C1QTNF7: variants seen among roughly 807,000 people sequenced by gnomAD.
The protein encoded by C1QTNF7 is complement C1q tumor necrosis factor-related protein 7.
A neutral mutation model predicts 19.6 loss-of-function variants in C1QTNF7; 15 were observed. The ratio of observed to expected loss-of-function variants is 0.76; its 90% CI spans 0.51 to 1.18. The LOEUF (loss-of-function observed/expected upper bound fraction) is 1.18, where lower values mean the gene tolerates loss of function less well. C1QTNF7 is among the 50% of genes most tolerant of loss of function. The pLI, the probability that C1QTNF7 is intolerant of heterozygous loss-of-function variation, is 0.00. For missense variants in C1QTNF7, 324 were observed against 359.7 expected (o/e 0.90, Z 0.80); for synonymous variants, 142 against 137.5 (o/e 1.03, Z -0.23).
intron 1 of C1QTNF7, among the ~76,000 whole-genome samples, chr4:15,392,612 G>A (rs562773603): frequency 1.2e-4 from 19 of 152,276 alleles, no homozygotes; most frequent in Middle Eastern, 3.4e-3. Flanking sequence ...TTCTCTTTGC[G>A]TGGAATGATG....
intron 1 of C1QTNF7, among the ~76,000 whole-genome samples, chr4:15,398,345 T>A (rs1036361689): frequency 6.6e-6 from 1 of 152,198 alleles, no homozygotes; most frequent in African/African-American, 2.4e-5. Flanking sequence ...ATCAGACTCA[T>A]GCTTAATATC....
At chr4:15,440,564 C>T (rs1188449739) in intron 2 of C1QTNF7, among the ~76,000 whole-genome samples, 1 of 152,034 alleles carries the variant, frequency 6.6e-6, no homozygotes, top group Non-Finnish European at 1.5e-5. Flanking sequence ...CGCACCACCA[C>T]GTCCGGCTAA....
chr4:15,350,633 C>G (rs1303714895), intron 1 of C1QTNF7, among the ~76,000 whole-genome samples: 1 of 152,108 alleles, frequency 6.6e-6, no homozygotes, highest in Non-Finnish European at 1.5e-5. Context: ...TGATCCAGCC[C>G]TTTTCCTTAG....
At chr4:15,402,617 C>T (rs6837765) in intron 1 of C1QTNF7, among the ~76,000 whole-genome samples, 15,875 of 152,074 alleles carry the variant, frequency 0.1, 1,286 homozygotes, top group Admixed American at 0.2. Flanking sequence ...AAATAAAACC[C>T]TCCTCTTTCA....
At chr4:15,367,058 C>T (rs1717552415) in intron 1 of C1QTNF7, among the ~76,000 whole-genome samples, 1 of 152,182 alleles carries the variant, frequency 6.6e-6, no homozygotes, top group Non-Finnish European at 1.5e-5. Flanking sequence ...AGATTTGGAA[C>T]TTCTTTCTGC....
rs143385914 is a variant in C1QTNF7, at chr4:15,442,463, C to T, written c.534C>T (p.Tyr178=). 437 of 1,614,202 alleles carry T rather than the reference C, an allele frequency of 2.7e-4. No individual in the cohort carries two copies. The African/African-American group carries it at 4.7e-3, about 17-fold the overall frequency. ...NKVLFNEGEH[Y]NPATGKFICA... ...TCCTCTTCAACGAGGGAGAGCACTA[C>T]AACCCTGCCACAGGGAAGTTCATCT... Residue 178 remains tyrosine (Y), a synonymous_variant, in exon 3 of 3, where the codon TAC becomes TAT. Coordinates refer to ENST00000444304, the MANE Select transcript of C1QTNF7 (RefSeq NM_031911.5).
At chr4:15,437,620 G>A (rs887896506) in intron 2 of C1QTNF7, among the ~76,000 whole-genome samples, 1 of 152,084 alleles carries the variant, frequency 6.6e-6, no homozygotes, top group Non-Finnish European at 1.5e-5. Context: ...CCATATATGA[G>A]GCTAACTATA....
At chr4:15,347,304 G>C (rs939911668) in intron 1 of C1QTNF7, among the ~76,000 whole-genome samples, 1 of 152,082 alleles carries the variant, frequency 6.6e-6, no homozygotes, top group South Asian at 2.1e-4. Context: ...TATACCACTG[G>C]TCACCAGAAT....
At chr4:15,350,336 G>GAAGGAAGGGAAGAAGGAAGGA in intron 1 of C1QTNF7, among the ~76,000 whole-genome samples, 1 of 62,142 alleles carries the variant, frequency 1.6e-5, no homozygotes. Flanking sequence ...GGAAAGAAAG[G>GAAGGAAGGGAAGAAGGAAGGA]AGGGAGGGAG....
chr4:15,368,804 C>T (rs1238468223), intron 1 of C1QTNF7, among the ~76,000 whole-genome samples: 2 of 152,058 alleles, frequency 1.3e-5, no homozygotes, highest in Admixed American at 6.6e-5. Context: ...GGGTATATAC[C>T]CAGTAATGGG....
intron 1 of C1QTNF7, among the ~76,000 whole-genome samples, chr4:15,354,108 C>T (rs778693821): frequency 6.6e-6 from 1 of 152,050 alleles, no homozygotes; most frequent in Admixed American, 6.6e-5. Flanking sequence ...CGTTCTCCAA[C>T]TAGGGTACAT....
At chr4:15,441,848 A>C (rs565123805) in intron 2 of C1QTNF7, among the ~76,000 whole-genome samples, 5 of 152,130 alleles carry the variant, frequency 3.3e-5, no homozygotes, top group African/African-American at 1.2e-4. Context: ...GGTGAAACCC[A>C]GTCTATACTA....
intron 1 of C1QTNF7, chr4:15,358,824 GAGA>G (rs1350163847): frequency 1.3e-5 from 2 of 152,292 alleles, no homozygotes; most frequent in Non-Finnish European, 2.9e-5. Flanking sequence ...GAGTGTGGAG[GAGA>G]AGGAGTGCAA....
rs34035778 is a variant in C1QTNF7, at chr4:15,443,354, CTG to C, written c.*558_*559del. On this transcript the variant is annotated 3_prime_UTR_variant, in exon 3 of 3. Transcript: ENST00000444304. The stretch of plus-strand genomic sequence containing the variant: ...TTAATGAGCCTGTAAGGACCAGACA[CTG>C]TGGCGCTGAATCAGATTTAATAATG... 15,474 of 152,458 alleles carry C rather than the reference CTG, an allele frequency of 0.1. 1,201 individuals are homozygous for C. Among genetic ancestry groups the C allele is most frequent in the Admixed American group, 0.19 (2,963 of 15,290 alleles). The allele number at this position is 152,458 out of a possible 1,614,324, so 9.4% of individuals were successfully genotyped here. A position where few individuals can be genotyped will look rare whatever the true frequency, so the allele number is the denominator to read the frequency against.
intron 2 of C1QTNF7, among the ~76,000 whole-genome samples, chr4:15,441,747 C>T (rs543014216): frequency 4.2e-4 from 64 of 152,234 alleles, no homozygotes; most frequent in African/African-American, 1.4e-3. Flanking sequence ...ATTGGCTGGG[C>T]GCGGTGGCTC....
chr4:15,402,983 TG>T (rs1560357416), intron 1 of C1QTNF7, among the ~76,000 whole-genome samples: 2 of 104,596 alleles, frequency 1.9e-5, no homozygotes, highest in Non-Finnish European at 3.9e-5. Flanking sequence ...TGCTTTTTTC[TG>T]TTTTTTTTTT....
chr4:15,403,018 T>G (rs1487964354), intron 1 of C1QTNF7, among the ~76,000 whole-genome samples: 1 of 151,990 alleles, frequency 6.6e-6, no homozygotes, highest in Non-Finnish European at 1.5e-5. Context: ...CCTTGAAATT[T>G]TTATGATAAG....
upstream of C1QTNF7, among the ~76,000 whole-genome samples, chr4:15,423,691 AT>A (rs1246215978): frequency 6.6e-6 from 1 of 152,198 alleles, no homozygotes; most frequent in East Asian, 1.9e-4. Flanking sequence ...CTGCAGGCTT[AT>A]GCCTGCCTTT....
chr4:15,362,030 T>G lies in C1QTNF7; in HGVS notation c.13+21823T>G, dbSNP rs139368805. Among the ~76,000 whole-genome samples, 1,041 of 152,304 alleles carry G rather than the reference T, an allele frequency of 6.8e-3. 8 individuals carry two copies. The highest frequency in any genetic ancestry group is 0.024 in the African/African-American group (984 of 41,580). ...TGCAGGGCACAGAAGCCAGGCCGAC[T>G]GGGTTCCAATCCAACTGGGTGGATT... On this transcript the variant is annotated intron_variant, in intron 1 of 2. Transcript: ENST00000295297.
Sources: allele counts gnomAD v4.1 joint callset (sites outside exome capture counted in the v4.1 genomes callset), GRCh38; gene constraint gnomAD v4.1.1; transcripts MANE v1.5; gene names NCBI Gene and HGNC (gene_info 2026-07-23, HGNC 2026-07-21).